Variants in ADAM22 observed in about 807,000 individuals in gnomAD.
ADAM22 encodes ADAM metallopeptidase domain 22.
Under a neutral mutation model 144.6 loss-of-function variants are expected in ADAM22, and 65 were observed. That is an observed-to-expected ratio of 0.45 (90% CI 0.37 to 0.55). ADAM22 has a LOEUF of 0.55. Ranked by LOEUF, ADAM22 falls within the 20% of genes least tolerant of loss-of-function variation. The pLI is 0.00. For synonymous variants in ADAM22, 391 were observed against 412.6 expected (o/e 0.95, Z 0.63); for missense variants, 974 against 1,184.9 (o/e 0.82, Z 2.61).
intron 22 of ADAM22, among the ~76,000 whole-genome samples, chr7:88,159,836 A>C (rs1841071502): frequency 6.6e-6 from 1 of 152,150 alleles, no homozygotes; most frequent in Admixed American, 6.6e-5. Flanking sequence ...CTCCTTGAAA[A>C]CTTACACAGG....
chr7:88,030,402 T>A (rs1054359400), intron 3 of ADAM22, among the ~76,000 whole-genome samples: 16 of 152,180 alleles, frequency 1.1e-4, no homozygotes, highest in Non-Finnish European at 2.2e-4. Flanking sequence ...TTAATTTCTT[T>A]GAGTTTACTC....
chr7:88,032,984 T>A (rs1488390029), intron 3 of ADAM22, among the ~76,000 whole-genome samples: 1 of 152,224 alleles, frequency 6.6e-6, no homozygotes, highest in Non-Finnish European at 1.5e-5. Context: ...CGATCCAACC[T>A]CTTTTCTACA....
chr7:87,965,790 G>A (rs1392968243), intron 2 of ADAM22, among the ~76,000 whole-genome samples: 6 of 152,162 alleles, frequency 3.9e-5, no homozygotes, highest in African/African-American at 1.4e-4. Context: ...TTTGGACATG[G>A]CTTACTCCTG....
At chr7:88,140,446 C>T (rs540112372) in intron 14 of ADAM22, among the ~76,000 whole-genome samples, 58 of 152,288 alleles carry the variant, frequency 3.8e-4, no homozygotes, top group African/African-American at 1.4e-3. Flanking sequence ...TGGTCTGATG[C>T]AGCCACAATG....
rs188322763 is a variant in ADAM22 at position 88,016,299 on chromosome 7, A to G, written c.323+37887A>G. Among the ~76,000 whole-genome samples the G allele has an allele frequency of 9.6e-4, 146 of 152,272 alleles. No individual in the cohort carries two copies. The Middle Eastern group carries it at 0.01, about 11-fold the overall frequency. ...TCCATTGTCATTTGGTTAGGGTCCT[A>G]TCTAACAAATGTTTAACTTTTACCA... is the stretch of plus-strand genomic sequence containing the variant. On this transcript the variant is annotated intron_variant, in intron 3 of 31. Coordinates refer to ENST00000413139, the MANE Select transcript of ADAM22 (RefSeq NM_001324418.2).
chr7:88,107,695 C>T (rs1370130566), intron 4 of ADAM22, among the ~76,000 whole-genome samples: 2 of 152,152 alleles, frequency 1.3e-5, no homozygotes, highest in East Asian at 3.9e-4. Context: ...AAATGATCCT[C>T]CTGCCTTAAC....
chr7:88,001,392 C>T (rs1792514826), intron 3 of ADAM22, among the ~76,000 whole-genome samples: 1 of 152,102 alleles, frequency 6.6e-6, no homozygotes, highest in Admixed American at 6.5e-5. Context: ...GAATTTTACA[C>T]TTGTAGTATC....
At chr7:88,114,707 C>T (rs1264324868) in intron 6 of ADAM22, 60 bp downstream of exon 6, 13 of 1,514,190 alleles carry the variant, frequency 8.6e-6, no homozygotes, top group Non-Finnish European at 1.1e-5. Flanking sequence ...AGCTTTTTTC[C>T]TCTCCTTTTT....
intron 2 of ADAM22, among the ~76,000 whole-genome samples, chr7:87,955,452 T>A (rs887762672): frequency 3.9e-5 from 6 of 152,050 alleles, no homozygotes; most frequent in Non-Finnish European, 8.8e-5. Flanking sequence ...AACCGCAGAT[T>A]TTTGTGATCC....
intron 3 of ADAM22, among the ~76,000 whole-genome samples, chr7:88,011,469 G>A (rs912967833): frequency 6.6e-6 from 1 of 151,770 alleles, no homozygotes; most frequent in African/African-American, 2.4e-5. Flanking sequence ...GAACCCGGCA[G>A]GCAGAGCTTG....
At chr7:87,954,088 C>G (rs2129443596) in intron 2 of ADAM22, among the ~76,000 whole-genome samples, 1 of 152,216 alleles carries the variant, frequency 6.6e-6, no homozygotes, top group South Asian at 2.1e-4. Context: ...GGTCTTGACT[C>G]TTTATCCAAT....
At position 87,934,350 on chromosome 7, in the gene ADAM22, G is replaced by C; in HGVS notation, c.-116G>C. The C allele has an allele frequency of 1.1e-6, 1 of 925,356 alleles. No homozygotes were observed. Among genetic ancestry groups the C allele is most frequent in the South Asian group, 1.7e-5 (1 of 58,356 alleles). The allele number at this position is 925,356 out of a possible 1,614,324, so 57.3% of individuals were successfully genotyped here. Reference sequence around the variant, plus strand: ...CGCCACGGCCGCCGCAGCACCGGCCGGGGCTGGGTGGAGGTGGCCGCGGGG... The same window carrying C: ...CGCCACGGCCGCCGCAGCACCGGCCCGGGCTGGGTGGAGGTGGCCGCGGGG... On this transcript the variant is annotated 5_prime_UTR_variant, in exon 1 of 32. Transcript: ENST00000413139.
intron 22 of ADAM22, among the ~76,000 whole-genome samples, chr7:88,158,083 A>C (rs1840490094): frequency 6.6e-6 from 1 of 152,168 alleles, no homozygotes; most frequent in South Asian, 2.1e-4. Context: ...GGAAATCAGA[A>C]AAAAAGCAGG....
intron 3 of ADAM22, among the ~76,000 whole-genome samples, chr7:87,993,934 A>C (rs1436854359): frequency 6.6e-6 from 1 of 152,198 alleles, no homozygotes; most frequent in Non-Finnish European, 1.5e-5. Flanking sequence ...TCATATTTAC[A>C]TGACTTCTCA....
Position 88,145,110 on chromosome 7 carries a change from T to C in ADAM22, c.1321-15T>C. 1 of 1,611,396 alleles carries C rather than the reference T, an allele frequency of 6.2e-7. No individual in the cohort carries two copies. The highest frequency in any genetic ancestry group is 8.5e-7 in the Non-Finnish European group (1 of 1,179,190). ...TTTTTCTATATTTTAGTTCACTTTT[T>C]GGTTTTCCTCACAGCTTCTTGATCC... is the stretch of plus-strand genomic sequence containing the variant. On this transcript the variant is annotated splice_polypyrimidine_tract_variant and intron_variant, in intron 15 of 31. Transcript: ENST00000413139.
chr7:87,995,064 C>T (rs916779587), intron 3 of ADAM22, among the ~76,000 whole-genome samples: 4 of 152,212 alleles, frequency 2.6e-5, no homozygotes, highest in African/African-American at 4.8e-5. Context: ...GTGATCCACT[C>T]GGCTCGGCCT....
At chr7:88,080,160 T>C (rs1365521783) in intron 4 of ADAM22, among the ~76,000 whole-genome samples, 1 of 152,142 alleles carries the variant, frequency 6.6e-6, no homozygotes, top group Non-Finnish European at 1.5e-5. Context: ...CAGACCACAG[T>C]GCAATCAAAC....
In ADAM22 at chr7:88,163,088, A is replaced by T; in HGVS notation, c.1984A>T (p.Met662Leu). Residue 662 changes from methionine to leucine, a missense_variant, in exon 23 of 32, where the codon ATG becomes TTG. By Grantham distance (15) the Met-to-Leu change is conservative. This residue lies in a region of ADAM22 where 734 missense variants were observed against 950.6 expected (regional missense o/e 0.77). Coordinates refer to ENST00000413139, the MANE Select transcript of ADAM22 (RefSeq NM_001324418.2). ...TGGGACACCTTGTGGTCCCCAAATGATGTGCTTAGAACACAGGTGTCTTCC... is the reference window on the plus strand; with the variant it reads ...TGGGACACCTTGTGGTCCCCAAATGTTGTGCTTAGAACACAGGTGTCTTCC... Reference protein sequence around the residue: ...EDGTPCGPQMMCLEHRCLPVA... With the variant: ...EDGTPCGPQMLCLEHRCLPVA... The T allele has an allele frequency of 6.2e-7, 1 of 1,612,280 alleles. No homozygotes were observed. Among genetic ancestry groups the T allele is most frequent in the South Asian group, 1.1e-5 (1 of 90,868 alleles).
rs1289452057 is a variant in ADAM22 at position 88,202,818 on chromosome 7, C to T, written c.*6327C>T. 1 of 152,106 alleles carries T rather than the reference C, an allele frequency of 6.6e-6. No individual in the cohort carries two copies. Among genetic ancestry groups the T allele is most frequent in the Non-Finnish European group, 1.5e-5 (1 of 68,018 alleles). The allele number at this position is 152,106 out of a possible 1,614,324, so 9.4% of individuals were successfully genotyped here. A position where few individuals can be genotyped will look rare whatever the true frequency, so the allele number is the denominator to read the frequency against. On this transcript the variant is annotated 3_prime_UTR_variant, in exon 32 of 32. Coordinates refer to ENST00000413139, the MANE Select transcript of ADAM22 (RefSeq NM_001324418.2). ...TTCACTTCGGAAGCTAATAAGATAC[C>T]ATGGTTTTCTATGTTACTCCCATTG... is the stretch of plus-strand genomic sequence containing the variant.
Sources: allele counts gnomAD v4.1 joint callset (sites outside exome capture counted in the v4.1 genomes callset), GRCh38; gene constraint gnomAD v4.1.1; regional missense constraint gnomAD v4.1.1; transcripts MANE v1.5; gene names NCBI Gene and HGNC (gene_info 2026-07-23, HGNC 2026-07-21).